The following ZNF536 variants were observed in gnomAD, a reference collection of about 807,000 sequenced individuals.
ZNF536 encodes the protein zinc finger protein 536.
A neutral mutation model predicts 84.5 loss-of-function variants in ZNF536; 13 were observed. That is an observed-to-expected ratio of 0.15 (90% confidence interval 0.10 to 0.24). ZNF536 has a LOEUF of 0.24. Among genes scored for constraint, ZNF536 ranks in the 10% least tolerant of loss-of-function variants. The pLI, the probability that ZNF536 is intolerant of heterozygous loss-of-function variation, is 1.00. For synonymous variants in ZNF536, 811 were observed against 742.5 expected, an observed-to-expected ratio of 1.09 and a Z score of -1.50; for missense variants, 1,536 against 1,747.5, an observed-to-expected ratio of 0.88 and a Z score of 2.16.
chr19:30,416,345 C>G (rs2050734128), intron 1 of ZNF536, among the ~76,000 whole-genome samples: 1 of 140,666 alleles, frequency 7.1e-6, no homozygotes, highest in South Asian at 2.2e-4. Context: ...GTGTTTTTAG[C>G]TTCCTTCACA....
intron 1 of ZNF536, among the ~76,000 whole-genome samples, chr19:30,587,913 A>G (rs1478148533): frequency 6.6e-6 from 1 of 152,246 alleles, no homozygotes; most frequent in Non-Finnish European, 1.5e-5. Flanking sequence ...TGCTTCTGTA[A>G]TTGGTGCATT....
chr19:30,701,994 T>A (rs2052004798), intron 1 of ZNF536, among the ~76,000 whole-genome samples: 1 of 152,066 alleles, frequency 6.6e-6, no homozygotes, highest in Admixed American at 6.6e-5. Flanking sequence ...CTCTCCCCAC[T>A]CTCTTACCCT....
chr19:30,404,911 G>T (rs2050204482), intron 1 of ZNF536, among the ~76,000 whole-genome samples: 1 of 152,184 alleles, frequency 6.6e-6, no homozygotes, highest in African/African-American at 2.4e-5. Context: ...GCTTCACGTT[G>T]GGGTTCCCAT....
chr19:30,523,873 G>A (rs73026707), intron 2 of ZNF536, among the ~76,000 whole-genome samples: 14,408 of 152,218 alleles, frequency 0.095, 946 homozygotes, highest in Non-Finnish European at 0.14. Flanking sequence ...CATCCCAGCC[G>A]GGCCTGGTGG....
Position 30,480,648 on chromosome 19 carries a change from T to C in ZNF536, c.2170+34916T>C, listed in dbSNP as rs1029567289. 1.5e-4 allele frequency among the ~76,000 whole-genome samples: 23 copies of C among 152,146 alleles called. 1 individual carries two copies. The highest frequency in any genetic ancestry group is 3.4e-4 in the Non-Finnish European group (23 of 68,028). On this transcript the variant is annotated intron_variant, in intron 2 of 4. Transcript: ENST00000355537. ...GATTGATAGGTGCAGCAAACCACCA[T>C]GGCACATGTATACCTATGTAACAAA...
rs2146184961 is a variant in ZNF536, at chr19:30,548,135, G to T, written c.2516G>T (p.Arg839Met). The change falls in exon 4 of 5, where the codon AGG becomes ATG. Residue 839 changes from arginine (R) to methionine (M), a missense_variant. By Grantham distance (91) the Arg-to-Met change is moderately conservative (BLOSUM62 -1). Around this residue, in one of 8 missense-constraint regions of ZNF536, gnomAD observed 624 missense variants for 603.1 expected, o/e 1.03. Coordinates refer to ENST00000355537, the MANE Select transcript of ZNF536 (RefSeq NM_014717.3). Reference sequence around the variant, plus strand: ...CTGTTCATCAGGCCAGACATCCTGAGGGGGGCCTTCAAGGGTCTCCCTGGA... The same window carrying T: ...CTGTTCATCAGGCCAGACATCCTGATGGGGGCCTTCAAGGGTCTCCCTGGA... ...ASLFIRPDIL[R>M]GAFKGLPGID... is the part of the protein sequence containing the mutation. The T allele has an allele frequency of 1.9e-6, 3 of 1,614,074 alleles. No homozygotes were observed. The highest frequency in any genetic ancestry group is 2.5e-6 in the Non-Finnish European group (3 of 1,179,966).
intron 1 of ZNF536, among the ~76,000 whole-genome samples, chr19:30,275,101 G>C (rs1039319086): frequency 1.3e-5 from 2 of 152,112 alleles, no homozygotes; most frequent in Non-Finnish European, 2.9e-5. Context: ...GAGAGATCCA[G>C]GGCAAAGACA....
intron 2 of ZNF536, among the ~76,000 whole-genome samples, chr19:30,494,971 G>GC (rs1333284005): frequency 8.8e-6 from 1 of 113,426 alleles, no homozygotes; most frequent in African/African-American, 4.0e-5. Context: ...AAAAAAAAAA[G>GC]CCCCCTCAGC....
At chr19:30,337,213 C>A (rs1225392385) in intron 2 of ZNF536, among the ~76,000 whole-genome samples, 1 of 152,170 alleles carries the variant, frequency 6.6e-6, no homozygotes, top group Non-Finnish European at 1.5e-5. Flanking sequence ...GCTAGGAAAG[C>A]CAAGGCTGGC....
intron 2 of ZNF536, among the ~76,000 whole-genome samples, chr19:30,481,304 A>C (rs1443558036): frequency 6.6e-6 from 1 of 152,092 alleles, no homozygotes; most frequent in Non-Finnish European, 1.5e-5. Context: ...GATGCCCACT[A>C]TCGTCTTTTC....
At position 30,257,545 on chromosome 19, in the gene ZNF536, G is replaced by A. The variant is rs182737586; in HGVS notation, c.-189-26527G>A. ...TTTTGCTGATAAAATGAAAGATCAG[G>A]AAGAGAGTAAATCAGAAATAATAGT... is the stretch of plus-strand genomic sequence containing the variant. On this transcript the variant is annotated intron_variant, in intron 1 of 5. Transcript: ENST00000585628. Among the ~76,000 whole-genome samples, 579 of 152,316 alleles carry A rather than the reference G, an allele frequency of 3.8e-3. 3 individuals are homozygous for A. The highest frequency in any genetic ancestry group is 9.4e-3 in the Admixed American group (144 of 15,306).
chr19:30,324,045 CATCT>C (rs899372325), intron 2 of ZNF536, among the ~76,000 whole-genome samples: 3 of 151,682 alleles, frequency 2.0e-5, no homozygotes, highest in African/African-American at 7.3e-5. Context: ...ATCCTCCATC[CATCT>C]ATCCATGTAT....
At chr19:30,423,676 T>C (rs546504745) in intron 1 of ZNF536, among the ~76,000 whole-genome samples, 1 of 152,300 alleles carries the variant, frequency 6.6e-6, no homozygotes, top group Admixed American at 6.5e-5. Context: ...CTCTGCACAG[T>C]CTGCTCAATG....
At chr19:30,340,818 G>A (rs1381176764) in intron 2 of ZNF536, among the ~76,000 whole-genome samples, 5 of 152,178 alleles carry the variant, frequency 3.3e-5, no homozygotes, top group African/African-American at 1.2e-4. Flanking sequence ...TGAAATAATT[G>A]CCGGAATGAT....
In ZNF536 at chr19:30,400,694, C is replaced by A. The variant is rs180769912; in HGVS notation, c.-3+28138C>A. 6.6e-5 allele frequency among the ~76,000 whole-genome samples: 10 copies of A among 152,216 alleles called. No individual in the cohort carries two copies. The East Asian group carries it at 1.9e-3, about 29-fold the overall frequency. ...CTCCCACTTCAGCCTCCTAAGTGAG[C>A]AGATGAGACTACAGGTGTGAGCTAC... On this transcript the variant is annotated intron_variant, in intron 1 of 4. Transcript: ENST00000355537.
At chr19:30,411,102 C>G (rs1379034940) in intron 1 of ZNF536, among the ~76,000 whole-genome samples, 1 of 152,046 alleles carries the variant, frequency 6.6e-6, no homozygotes, top group Non-Finnish European at 1.5e-5. Context: ...TAAAAAAATG[C>G]TGCAAAAAAA....
intron 2 of ZNF536, among the ~76,000 whole-genome samples, chr19:30,530,052 G>A (rs1936789136): frequency 6.6e-6 from 1 of 152,162 alleles, no homozygotes; most frequent in Admixed American, 6.5e-5. Flanking sequence ...TGCAGCCAAA[G>A]GTCCCCTCCA....
chr19:30,466,048 C>A (rs2053375729), intron 2 of ZNF536, among the ~76,000 whole-genome samples: 1 of 152,014 alleles, frequency 6.6e-6, no homozygotes, highest in Non-Finnish European at 1.5e-5. Flanking sequence ...CCGTGCCTGG[C>A]AAAGAATTTT....
chr19:30,432,006 T>TATATATATATATATATATATATAC (rs149223384), intron 1 of ZNF536, among the ~76,000 whole-genome samples: 361 of 145,804 alleles, frequency 2.5e-3, no homozygotes, highest in East Asian at 0.018. Context: ...TATATATATA[T>TATATATATATATATATATATATAC]ACACACACAC....
Sources: allele counts gnomAD v4.1 joint callset (sites outside exome capture counted in the v4.1 genomes callset), GRCh38; gene constraint gnomAD v4.1.1; regional missense constraint gnomAD v4.1.1; transcripts MANE v1.5; gene names NCBI Gene and HGNC (gene_info 2026-07-23, HGNC 2026-07-21).